Variants in RIMS1 observed in about 807,000 individuals in gnomAD.
The protein encoded by RIMS1 is regulating synaptic membrane exocytosis protein 1.
Under a neutral mutation model 214.1 loss-of-function variants are expected in RIMS1, and 83 were observed. The ratio of observed to expected loss-of-function variants is 0.39; its 90% confidence interval spans 0.32 to 0.47. The LOEUF (loss-of-function observed/expected upper bound fraction) is 0.47. Among genes scored for constraint, RIMS1 ranks in the 20% least tolerant of loss-of-function variants. The probability of loss-of-function intolerance (pLI) is 0.99; values close to 1 mark genes in which losing one functional copy is unlikely to be tolerated. For synonymous variants in RIMS1, 793 were observed against 786.8 expected, an observed-to-expected ratio of 1.01 and a Z score of -0.13; for missense variants, 2,050 against 2,161.8, an observed-to-expected ratio of 0.95 and a Z score of 1.03.
chr6:72,222,549 G>T lies in RIMS1; in HGVS notation c.1679-11224G>T, dbSNP rs139374796. ...GCTGTATGTTTCTGCTTTTTGTTGC[G>T]TTGATAAATAATGACTTAATTGTAA... On this transcript the variant is annotated intron_variant, in intron 6 of 33. Transcript: ENST00000521978. 6.4e-3 allele frequency among the ~76,000 whole-genome samples: 968 copies of T among 152,016 alleles called. 7 individuals are homozygous for T. The highest frequency in any genetic ancestry group is 0.021 in the African/African-American group (856 of 41,494).
Position 72,262,575 on chromosome 6 carries a change from A to G in RIMS1, c.3116+1808A>G, listed in dbSNP as rs16882229. 1,532 of 978,148 alleles carry G rather than the reference A, an allele frequency of 1.6e-3. 34 individuals carry two copies. The East Asian group carries it at 0.039, about 25-fold the overall frequency. 60.6% of individuals were successfully genotyped at this position (978,148 alleles called of 1,614,324 possible). ...CTAAAAGTATGGAGATAGAGACAAC[A>G]TGAGTTCAAAAATACGTGCATGTAT... On this transcript the variant is annotated intron_variant, in intron 19 of 33. Transcript: ENST00000521978.
At chr6:71,887,936 T>A (rs1453109567) in intron 1 of RIMS1, among the ~76,000 whole-genome samples, 1 of 152,182 alleles carries the variant, frequency 6.6e-6, no homozygotes, top group East Asian at 1.9e-4. Flanking sequence ...TCCTCTTTAG[T>A]GGTTTCCAAG....
intron 4 of RIMS1, among the ~76,000 whole-genome samples, chr6:72,137,883 C>G (rs781443738): frequency 7.9e-5 from 12 of 151,826 alleles, no homozygotes; most frequent in Non-Finnish European, 1.8e-4. Context: ...ACTACAGGTG[C>G]CCACCGCCAC....
chr6:72,310,397 A>G (rs1306532728), intron 27 of RIMS1, among the ~76,000 whole-genome samples: 2 of 151,956 alleles, frequency 1.3e-5, no homozygotes, highest in Non-Finnish European at 2.9e-5. Context: ...ATGTGTCACC[A>G]TTCTATTTTT....
rs976711695 is a variant in RIMS1, at chr6:72,117,296, A to G, written c.471+17310A>G. Among the ~76,000 whole-genome samples, 3 of 152,126 alleles carry G rather than the reference A, an allele frequency of 2.0e-5. No homozygotes were observed. In the South Asian group the frequency reaches 6.2e-4, roughly 32 times the overall value. On this transcript the variant is annotated intron_variant, in intron 4 of 33. Coordinates refer to ENST00000521978, the MANE Select transcript of RIMS1 (RefSeq NM_014989.7). The stretch of plus-strand genomic sequence containing the variant: ...AAGTTTCTGACCCCTCTTTAGTACA[A>G]TAGCTCTCTCTTCTGATCATTACTG...
chr6:72,328,503 A>T (rs927443034), intron 28 of RIMS1, among the ~76,000 whole-genome samples: 5 of 151,820 alleles, frequency 3.3e-5, no homozygotes, highest in African/African-American at 4.8e-5. Context: ...TATAGCTACT[A>T]TGTACCCATG....
chr6:71,902,559 G>T (rs1201017420), intron 1 of RIMS1, among the ~76,000 whole-genome samples: 3 of 151,920 alleles, frequency 2.0e-5, no homozygotes, highest in Non-Finnish European at 4.4e-5. Context: ...TTAAGTTCTG[G>T]AGTACATGTG....
intron 6 of RIMS1, among the ~76,000 whole-genome samples, chr6:72,191,757 T>A (rs2153981677): frequency 6.6e-6 from 1 of 152,356 alleles, no homozygotes; most frequent in East Asian, 1.9e-4. Flanking sequence ...ACATCTGGTA[T>A]AGCAGCTGCA....
chr6:72,368,292 A>ATTTTT (rs1168375463), intron 29 of RIMS1, among the ~76,000 whole-genome samples: 2 of 79,112 alleles, frequency 2.5e-5, no homozygotes, highest in African/African-American at 5.3e-5. Flanking sequence ...GTGTTGTCTG[A>ATTTTT]TTTTTTTTTT....
chr6:71,981,443 G>T (rs1409441722), intron 2 of RIMS1, among the ~76,000 whole-genome samples: 3 of 151,874 alleles, frequency 2.0e-5, no homozygotes, highest in Admixed American at 6.6e-5. Context: ...GATCTAGTGG[G>T]GTTAGAAGAC....
At chr6:72,240,509 C>T (rs2066292881) in intron 9 of RIMS1, among the ~76,000 whole-genome samples, 1 of 151,010 alleles carries the variant, frequency 6.6e-6, no homozygotes, top group Non-Finnish European at 1.5e-5. Flanking sequence ...TACACACGCA[C>T]ATATATACAT....
At chr6:72,028,289 T>C (rs889306503) in intron 2 of RIMS1, among the ~76,000 whole-genome samples, 4 of 152,206 alleles carry the variant, frequency 2.6e-5, no homozygotes, top group African/African-American at 9.6e-5. Flanking sequence ...GAAATAAATA[T>C]TTAGTTATGT....
At chr6:72,283,108 A>G (rs1048283763) in intron 23 of RIMS1, among the ~76,000 whole-genome samples, 1 of 152,016 alleles carries the variant, frequency 6.6e-6, no homozygotes, top group African/African-American at 2.4e-5. Flanking sequence ...ATTTTTCTCA[A>G]CATTGTTGGG....
At chr6:72,048,113 A>G (rs544165529) in intron 2 of RIMS1, among the ~76,000 whole-genome samples, 1 of 152,318 alleles carries the variant, frequency 6.6e-6, no homozygotes, top group Non-Finnish European at 1.5e-5. Flanking sequence ...GATAAACAAA[A>G]TGCAATGTTT....
chr6:71,960,260 A>G (rs1457487108), intron 1 of RIMS1, among the ~76,000 whole-genome samples: 2 of 152,128 alleles, frequency 1.3e-5, no homozygotes. Context: ...TGGAGAGACT[A>G]CACACAGCCT....
At chr6:72,392,648 TAGA>T in intron 30 of RIMS1, 47 bp from the exon 31 acceptor site, 1 of 1,247,732 alleles carries the variant, frequency 8.0e-7, no homozygotes, top group Non-Finnish European at 1.2e-6. Context: ...AAAAGAATTC[TAGA>T]AGATTTCATG....
chr6:72,148,580 A>C (rs1210856139), intron 4 of RIMS1: 2 of 456,712 alleles, frequency 4.4e-6, no homozygotes, highest in Non-Finnish European at 4.4e-6. Context: ...CCTATACCTC[A>C]TCTATGCCAT....
At chr6:72,119,072 A>T (rs1225941851) in intron 4 of RIMS1, among the ~76,000 whole-genome samples, 1 of 151,694 alleles carries the variant, frequency 6.6e-6, no homozygotes, top group Non-Finnish European at 1.5e-5. Flanking sequence ...TACCTAAAAA[A>T]CCTTAAAGAC....
chr6:72,124,065 C>A (rs2496546), intron 4 of RIMS1, among the ~76,000 whole-genome samples: 74,077 of 151,448 alleles, frequency 0.49, 19,807 homozygotes, highest in East Asian at 0.82. Context: ...TTCTTCCTAG[C>A]ATCAATGGTG....
Sources: allele counts gnomAD v4.1 joint callset (sites outside exome capture counted in the v4.1 genomes callset), GRCh38; gene constraint gnomAD v4.1.1; transcripts MANE v1.5; gene names NCBI Gene and HGNC (gene_info 2026-07-23, HGNC 2026-07-21).